Variants in ACOT7 observed in about 807,000 individuals in gnomAD.
ACOT7 encodes the protein acyl-CoA thioesterase 7.
Under a neutral mutation model 40.2 loss-of-function variants are expected in ACOT7, and 12 were observed. That is an observed-to-expected ratio of 0.30 (90% CI 0.19 to 0.48). The LOEUF (loss-of-function observed/expected upper bound fraction) is 0.48. ACOT7 is among the 20% of genes least tolerant of loss of function. ACOT7 has a pLI of 0.99. For synonymous variants in ACOT7, 228 were observed against 219.5 expected (o/e 1.04, Z -0.34); for missense variants, 395 against 530.8 (o/e 0.74, Z 2.51).
chr1:6,302,083 C>G (rs937193994), intron 6 of ACOT7, among the ~76,000 whole-genome samples: 2 of 152,170 alleles, frequency 1.3e-5, no homozygotes, highest in African/African-American at 4.8e-5. Context: ...AGATTATACC[C>G]CACACCTGGA....
rs888612478 is a variant in ACOT7, at chr1:6,281,026, C to T, written c.1014+76G>A. 2.9e-5 allele frequency: 44 copies of T among 1,535,666 alleles called. No individual in the cohort carries two copies. The African/African-American group carries it at 4.9e-4, about 17-fold the overall frequency. On this transcript the variant is annotated intron_variant, in intron 8 of 8. Transcript: ENST00000361521. Reference sequence around the variant, plus strand: ...ACAGGACTCATGCAGGCACAGATTCCCCCTGGAGGCCCAAACACAGGGACC... The same window carrying T: ...ACAGGACTCATGCAGGCACAGATTCTCCCTGGAGGCCCAAACACAGGGACC...
intron 7 of ACOT7, among the ~76,000 whole-genome samples, chr1:6,292,287 G>A (rs998979116): frequency 6.6e-6 from 1 of 152,264 alleles, no homozygotes; most frequent in African/African-American, 2.4e-5. Flanking sequence ...AGACGAGGTG[G>A]GGGCCTGGGC....
intron 3 of ACOT7, among the ~76,000 whole-genome samples, chr1:6,337,354 C>A (rs1375433864): frequency 6.6e-6 from 1 of 152,200 alleles, no homozygotes; most frequent in South Asian, 2.1e-4. Flanking sequence ...CCCTAAAGAG[C>A]GAGGGATCCT....
chr1:6,287,474 A>G (rs952994539), intron 7 of ACOT7, among the ~76,000 whole-genome samples: 1 of 152,258 alleles, frequency 6.6e-6, no homozygotes, highest in African/African-American at 2.4e-5. Context: ...GTGAGAAGTA[A>G]ATGGTATGAA....
chr1:6,314,156 T>A (rs1019185450), intron 6 of ACOT7, among the ~76,000 whole-genome samples: 1 of 152,084 alleles, frequency 6.6e-6, no homozygotes, highest in African/African-American at 2.4e-5. Context: ...AGAACAACCA[T>A]TGGCTTTCGT....
chr1:6,391,264 C>T (rs113534560), intron 1 of ACOT7, among the ~76,000 whole-genome samples: 11,849 of 150,050 alleles, frequency 0.079, 495 homozygotes, highest in Non-Finnish European at 0.091. Context: ...TTTGGGAGGC[C>T]GAGGAGGGCA....
Position 6,293,693 on chromosome 1 carries a change from C to T in ACOT7, c.829+1171G>A, listed in dbSNP as rs536219599. ...TCCGGCCTGGGTGACAGAATAAGAT[C>T]GTGTTGTGGAAAAAAGAAAAGGATT... On this transcript the variant is annotated intron_variant, in intron 7 of 8. Transcript: ENST00000361521. Among the ~76,000 whole-genome samples the T allele has an allele frequency of 6.6e-5, 10 of 152,192 alleles. 1 individual carries two copies. Among genetic ancestry groups the T allele is most frequent in the Admixed American group, 5.9e-4 (9 of 15,296 alleles).
chr1:6,380,845 CA>C (rs1642321148), intron 1 of ACOT7, among the ~76,000 whole-genome samples: 1 of 151,602 alleles, frequency 6.6e-6, no homozygotes, highest in Admixed American at 6.6e-5. Context: ...GCTATGACAT[CA>C]AAGGCACAAG....
intron 1 of ACOT7, among the ~76,000 whole-genome samples, chr1:6,369,398 CTTTT>C (rs60404741): frequency 2.0e-5 from 2 of 100,910 alleles, no homozygotes; most frequent in Admixed American, 1.1e-4. Context: ...AAATGCATTT[CTTTT>C]TTTTTTTTTT....
At chr1:6,287,481 T>C (rs1435269358) in intron 7 of ACOT7, among the ~76,000 whole-genome samples, 1 of 152,254 alleles carries the variant, frequency 6.6e-6, no homozygotes, top group Non-Finnish European at 1.5e-5. Flanking sequence ...GTAAATGGTA[T>C]GAAGCAGGTG....
intron 5 of ACOT7, among the ~76,000 whole-genome samples, chr1:6,321,811 T>A (rs901915634): frequency 6.6e-6 from 1 of 152,146 alleles, no homozygotes; most frequent in Non-Finnish European, 1.5e-5. Flanking sequence ...CAAGGCTGAG[T>A]CTTAATGGGC....
intron 7 of ACOT7, among the ~76,000 whole-genome samples, chr1:6,287,397 C>T (rs570136346): frequency 9.8e-5 from 15 of 152,350 alleles, no homozygotes; most frequent in African/African-American, 3.4e-4. Flanking sequence ...CTTAACCCCT[C>T]GGAATTGCAG....
chr1:6,341,598 C>T (rs574516280), intron 2 of ACOT7, among the ~76,000 whole-genome samples: 31 of 151,922 alleles, frequency 2.0e-4, no homozygotes, highest in African/African-American at 6.8e-4. Flanking sequence ...AAAAATTAGC[C>T]GGGTGTGGTG....
At chr1:6,392,672 C>T (rs1642551758) in intron 1 of ACOT7, among the ~76,000 whole-genome samples, 1 of 152,186 alleles carries the variant, frequency 6.6e-6, no homozygotes, top group Non-Finnish European at 1.5e-5. Context: ...ATCTGTTCTT[C>T]CTTTCAACAC....
Position 6,378,997 on chromosome 1 carries a change from A to G in ACOT7, c.143+14260T>C, listed in dbSNP as rs1404179744. On this transcript the variant is annotated intron_variant, in intron 1 of 8. Transcript: ENST00000361521. The stretch of plus-strand genomic sequence containing the variant: ...TGCAAGCTCCGCCTCCCGGGTTCAC[A>G]CCATTCTCCTGCCTCAGCCTCCCAA... Among the ~76,000 whole-genome samples, 3 of 151,404 alleles carry G rather than the reference A, an allele frequency of 2.0e-5. 1 individual carries two copies. The highest frequency in any genetic ancestry group is 4.4e-5 in the Non-Finnish European group (3 of 67,784).
intron 4 of ACOT7, among the ~76,000 whole-genome samples, chr1:6,329,226 C>T (rs530105042): frequency 3.3e-4 from 51 of 152,324 alleles, no homozygotes; most frequent in African/African-American, 1.2e-3. Context: ...CACCGTTCCT[C>T]GGCGTAACTA....
chr1:6,362,276 CA>C (rs1212191899), intron 1 of ACOT7, among the ~76,000 whole-genome samples: 5 of 151,904 alleles, frequency 3.3e-5, no homozygotes, highest in Non-Finnish European at 5.9e-5. Flanking sequence ...ACTAAAACTA[CA>C]AAAATTAGCC....
Position 6,304,647 on chromosome 1 carries a change from C to G in ACOT7, c.713-9667G>C, listed in dbSNP as rs550013854. Among the ~76,000 whole-genome samples, 1,234 of 133,464 alleles carry G rather than the reference C, an allele frequency of 9.2e-3. 26 individuals carry two copies. The highest frequency in any genetic ancestry group is 0.036 in the African/African-American group (1,171 of 32,332). 87.6% of individuals were successfully genotyped at this position (133,464 alleles called of 152,430 possible). ...TCTGTTTAACAAAGCACATCTTGCA[C>G]CGCCCTTAATCCATTTAACCCTGAG... On this transcript the variant is annotated intron_variant, in intron 6 of 8. Coordinates refer to ENST00000361521, the MANE Select transcript of ACOT7 (RefSeq NM_007274.4).
intron 1 of ACOT7, among the ~76,000 whole-genome samples, chr1:6,362,107 G>T (rs1346083396): frequency 6.6e-6 from 1 of 152,162 alleles, no homozygotes; most frequent in African/African-American, 2.4e-5. Context: ...CCAGTTTTCT[G>T]CAGCTTTCAA....
Sources: allele counts gnomAD v4.1 joint callset (sites outside exome capture counted in the v4.1 genomes callset), GRCh38; gene constraint gnomAD v4.1.1; transcripts MANE v1.5; gene names NCBI Gene and HGNC (gene_info 2026-07-23, HGNC 2026-07-21).